TTC6: variants seen among roughly 807,000 people sequenced by gnomAD.
The protein encoded by TTC6 is tetratricopeptide repeat domain 6.
A neutral mutation model predicts 210.4 loss-of-function variants in TTC6; 172 were observed. The observed-to-expected ratio is 0.82, with a 90% confidence interval of 0.72 to 0.93. The LOEUF (loss-of-function observed/expected upper bound fraction) is 0.93. Among genes scored for constraint, TTC6 ranks in the 40% least tolerant of loss-of-function variants. TTC6 has a pLI of 0.00. For synonymous variants in TTC6, 804 were observed against 819.6 expected (o/e 0.98, Z 0.32); for missense variants, 2,414 against 2,318.1 (o/e 1.04, Z -0.85).
intron 14 of TTC6, among the ~76,000 whole-genome samples, chr14:37,760,749 C>T (rs1211644394): frequency 6.6e-6 from 1 of 152,206 alleles, no homozygotes. Flanking sequence ...AGTCTGGCCA[C>T]AGCCGCTTTG....
At chr14:37,771,998 CTGTT>C (rs1314109728) in intron 14 of TTC6, among the ~76,000 whole-genome samples, 1 of 152,126 alleles carries the variant, frequency 6.6e-6, no homozygotes, top group Non-Finnish European at 1.5e-5. Context: ...AATGTCCTTT[CTGTT>C]TGTTAGTTTT....
intron 1 of TTC6, among the ~76,000 whole-genome samples, chr14:37,604,329 C>A (rs1170928329): frequency 1.3e-5 from 2 of 152,198 alleles, no homozygotes; most frequent in African/African-American, 4.8e-5. Flanking sequence ...GAGACTGCAT[C>A]AAGTTCACAT....
At chr14:37,646,132 T>C (rs766173417) in intron 1 of TTC6, among the ~76,000 whole-genome samples, 17 of 152,196 alleles carry the variant, frequency 1.1e-4, no homozygotes, top group African/African-American at 1.7e-4. Context: ...GGCACTATAA[T>C]ACATTAGGAT....
chr14:37,706,948 A>G (rs1177097475), intron 5 of TTC6, among the ~76,000 whole-genome samples: 1 of 151,682 alleles, frequency 6.6e-6, no homozygotes, highest in Non-Finnish European at 1.5e-5. Context: ...CCCCATATTC[A>G]TTTATTGTCC....
At chr14:37,642,532 A>G (rs2095693938) in intron 1 of TTC6, among the ~76,000 whole-genome samples, 1 of 152,180 alleles carries the variant, frequency 6.6e-6, no homozygotes, top group Admixed American at 6.5e-5. Context: ...TCTTAGCTTT[A>G]TTATTTTTGA....
chr14:37,706,970 C>T (rs1343016108), intron 5 of TTC6, among the ~76,000 whole-genome samples: 1 of 151,792 alleles, frequency 6.6e-6, no homozygotes, highest in African/African-American at 2.4e-5. Context: ...ATCAGATGTA[C>T]TTGGTATTAT....
chr14:37,822,612 A>T (rs939307045), intron 26 of TTC6, among the ~76,000 whole-genome samples: 1 of 152,126 alleles, frequency 6.6e-6, no homozygotes, highest in African/African-American at 2.4e-5. Flanking sequence ...AATTAATATT[A>T]ATTTGCATGT....
At chr14:37,621,742 A>T (rs2095651423), upstream of TTC6, among the ~76,000 whole-genome samples, 1 of 152,166 alleles carries the variant, frequency 6.6e-6, no homozygotes, top group African/African-American at 2.4e-5. Flanking sequence ...GTTTAGTATG[A>T]TGCTGCTTGC....
At chr14:37,696,617 A>G (rs1032240376) in intron 3 of TTC6, 100 bp from the exon 6 acceptor site, 8 of 488,444 alleles carry the variant, frequency 1.6e-5, no homozygotes, top group African/African-American at 8.0e-5. Context: ...ATACATAGAA[A>G]TCTGGAGTTT....
chr14:37,765,056 T>A (rs1244191475), intron 14 of TTC6, among the ~76,000 whole-genome samples: 2 of 152,046 alleles, frequency 1.3e-5, no homozygotes, highest in Non-Finnish European at 2.9e-5. Context: ...ATAATGTAGT[T>A]TGAATTAATA....
Position 37,821,772 on chromosome 14 carries a change from C to CTTTT in TTC6, c.4764-1953_4764-1950dup, listed in dbSNP as rs35078384. On this transcript the variant is annotated intron_variant, in intron 26 of 30. Coordinates refer to ENST00000553443, the Ensembl canonical transcript of TTC6. Reference sequence around the variant, plus strand: ...GAGAATGTCTCAGCTAAGAGCTAGTCTTTTTTTTTTTTTTTTTTTTTTTTT... The same window carrying CTTTT: ...GAGAATGTCTCAGCTAAGAGCTAGTCTTTTTTTTTTTTTTTTTTTTTTTTTTTTT... Among the ~76,000 whole-genome samples, 50 of 69,158 alleles carry CTTTT rather than the reference C, an allele frequency of 7.2e-4. 1 individual carries two copies. The highest frequency in any genetic ancestry group is 1.7e-3 in the African/African-American group (26 of 15,054). 45.4% of individuals were successfully genotyped at this position (69,158 alleles called of 152,430 possible). A position where few individuals can be genotyped will look rare whatever the true frequency, so the allele number is the denominator to read the frequency against.
intron 20 of TTC6, among the ~76,000 whole-genome samples, chr14:37,799,597 G>C (rs2096101250): frequency 6.6e-6 from 1 of 152,110 alleles, no homozygotes; most frequent in Non-Finnish European, 1.5e-5. Flanking sequence ...TTATGTAGTA[G>C]ACTGGAGAGA....
chr14:37,699,283 C>G (rs1328879159), intron 4 of TTC6, among the ~76,000 whole-genome samples: 1 of 152,178 alleles, frequency 6.6e-6, no homozygotes, highest in Non-Finnish European at 1.5e-5. Context: ...ATGAGAATAG[C>G]TAACTTCTGC....
chr14:37,725,460 C>G (rs1408923740), intron 7 of TTC6, among the ~76,000 whole-genome samples: 2 of 150,594 alleles, frequency 1.3e-5, no homozygotes, highest in Non-Finnish European at 3.0e-5. Flanking sequence ...AAGCAATTCT[C>G]CTGCCTCAGC....
At chr14:37,827,548 A>T (rs909100478) in intron 29 of TTC6, among the ~76,000 whole-genome samples, 182 bp downstream of exon 31, 1 of 152,060 alleles carries the variant, frequency 6.6e-6, no homozygotes, top group Non-Finnish European at 1.5e-5. Context: ...TTATGCCTCT[A>T]TGGATTTATT....
At chr14:37,841,252 G>A (rs1398979764) in intron 29 of TTC6, among the ~76,000 whole-genome samples, 193 bp from the exon 32 acceptor site, 2 of 152,166 alleles carry the variant, frequency 1.3e-5, no homozygotes, top group Non-Finnish European at 2.9e-5. Context: ...ATAACAAAAA[G>A]CAGGTCAACT....
intron 6 of TTC6, among the ~76,000 whole-genome samples, chr14:37,723,770 C>T (rs187496128): frequency 1.5e-3 from 224 of 152,232 alleles, no homozygotes; most frequent in African/African-American, 4.9e-3. Flanking sequence ...TTGTTTCATA[C>T]GTTTGTAATA....
chr14:37,753,182 C>T (rs945635958), exon 14 of TTC6: 2 of 1,535,038 alleles, frequency 1.3e-6, no homozygotes, highest in Non-Finnish European at 1.7e-6. Context: ...GGTTTGCAGC[C>T]ATAGAGGATT....
At chr14:37,767,191 G>T (rs1051244144) in intron 14 of TTC6, among the ~76,000 whole-genome samples, 1 of 152,094 alleles carries the variant, frequency 6.6e-6, no homozygotes, top group Non-Finnish European at 1.5e-5. Flanking sequence ...TCTTAATCCA[G>T]TCTATCATTG....
Sources: allele counts gnomAD v4.1 joint callset (sites outside exome capture counted in the v4.1 genomes callset), GRCh38; gene constraint gnomAD v4.1.1; transcripts MANE v1.5; gene names NCBI Gene and HGNC (gene_info 2026-07-23, HGNC 2026-07-21).